The following NALCN variants were observed in gnomAD, a reference collection of about 807,000 sequenced individuals.
The protein encoded by NALCN is sodium leak channel NALCN.
A neutral mutation model predicts 225.3 loss-of-function variants in NALCN; 111 were observed. The ratio of observed to expected loss-of-function variants is 0.49; its 90% CI spans 0.42 to 0.58. The LOEUF (loss-of-function observed/expected upper bound fraction) is 0.58. Among genes scored for constraint, NALCN ranks in the 20% least tolerant of loss-of-function variants. The pLI, the probability that NALCN is intolerant of heterozygous loss-of-function variation, is 0.00. For missense variants in NALCN, 1,378 were observed against 2,202.4 expected, an observed-to-expected ratio of 0.63 and a Z score of 7.49; for synonymous variants, 764 against 769.0, an observed-to-expected ratio of 0.99 and a Z score of 0.11.
intron 39 of NALCN, among the ~76,000 whole-genome samples, chr13:101,067,302 G>T (rs867520105): frequency 3.7e-4 from 22 of 60,150 alleles, no homozygotes; most frequent in African/African-American, 1.9e-3. Flanking sequence ...GGGGGAAGAG[G>T]AGGGGGAAGA....
chr13:101,391,164 A>G (rs1348464329), intron 3 of NALCN, among the ~76,000 whole-genome samples: 1 of 152,176 alleles, frequency 6.6e-6, no homozygotes, highest in Admixed American at 6.5e-5. Flanking sequence ...TGGCTAACCT[A>G]AAACAAAATG....
At chr13:101,253,697 GCT>G (rs1332619631) in intron 11 of NALCN, among the ~76,000 whole-genome samples, 1 of 151,878 alleles carries the variant, frequency 6.6e-6, no homozygotes, top group Non-Finnish European at 1.5e-5. Flanking sequence ...ATTTGACATT[GCT>G]CTCTGTTTCT....
chr13:101,281,096 G>A (rs1055596327), intron 10 of NALCN, among the ~76,000 whole-genome samples: 6 of 152,040 alleles, frequency 3.9e-5, no homozygotes, highest in East Asian at 3.9e-4. Flanking sequence ...GGCCAGGCTG[G>A]TCTCAAACTC....
At chr13:101,118,598 C>T (rs1479737186) in intron 18 of NALCN, among the ~76,000 whole-genome samples, 10 of 152,130 alleles carry the variant, frequency 6.6e-5, no homozygotes, top group Admixed American at 6.6e-4. Context: ...AGTCTTTCAA[C>T]TAACTTATCA....
intron 27 of NALCN, among the ~76,000 whole-genome samples, chr13:101,096,972 C>G (rs1277227545): frequency 6.6e-6 from 1 of 152,122 alleles, no homozygotes; most frequent in Admixed American, 6.6e-5. Flanking sequence ...CATGTCTCCT[C>G]TTGGCCTCCT....
chr13:101,140,232 C>G (rs79332622), intron 17 of NALCN, among the ~76,000 whole-genome samples: 9,885 of 152,090 alleles, frequency 0.065, 755 homozygotes, highest in African/African-American at 0.18. Flanking sequence ...TCCAACTGTA[C>G]CTGGGGAGGG....
intron 13 of NALCN, among the ~76,000 whole-genome samples, chr13:101,228,307 CA>C (rs145518740): frequency 0.012 from 1,837 of 152,230 alleles, 37 homozygotes; most frequent in African/African-American, 0.042. Flanking sequence ...CTTTTGCTGT[CA>C]AAGCTTAACT....
chr13:101,110,981 G>T, intron 19 of NALCN, 144 bp downstream of exon 19: 1 of 821,844 alleles, frequency 1.2e-6, no homozygotes, highest in Non-Finnish European at 1.9e-6. Context: ...TTTCATTATT[G>T]TAACAAACAG....
chr13:101,413,864 A>G (rs1026722557), intron 1 of NALCN, among the ~76,000 whole-genome samples: 2 of 152,130 alleles, frequency 1.3e-5, no homozygotes, highest in Non-Finnish European at 2.9e-5. Context: ...TGTTGATAAC[A>G]TTTTGGGACA....
In NALCN at chr13:101,107,619, G is replaced by A. The variant is rs767535038; in HGVS notation, c.2457-10C>T. On this transcript the variant is annotated splice_polypyrimidine_tract_variant and intron_variant, in intron 21 of 43. Transcript: ENST00000251127. ...CTCTTCTTGCACTTTCCTTGAAGGA[G>A]AAATTCATGGGAGAATGAGGCTAAG... The A allele has an allele frequency of 5.6e-6, 9 of 1,613,960 alleles. No individual in the cohort carries two copies. In the Admixed American group the frequency reaches 1.2e-4, roughly 21 times the overall value.
chr13:101,088,818 T>C (rs2034062226), intron 30 of NALCN, among the ~76,000 whole-genome samples: 2 of 152,224 alleles, frequency 1.3e-5, no homozygotes, highest in African/African-American at 4.8e-5. Context: ...TTTGTTCTAA[T>C]CATTAGAGCT....
intron 2 of NALCN, among the ~76,000 whole-genome samples, chr13:101,398,490 C>T (rs1459173362): frequency 6.6e-6 from 1 of 152,184 alleles, no homozygotes; most frequent in Admixed American, 6.5e-5. Context: ...TTCTGGCACA[C>T]AGTCGTGCCT....
At chr13:101,222,739 T>C (rs1012494912) in intron 13 of NALCN, among the ~76,000 whole-genome samples, 1 of 152,182 alleles carries the variant, frequency 6.6e-6, no homozygotes, top group Admixed American at 6.5e-5. Flanking sequence ...CAATTCTAAA[T>C]ATGCTTATAA....
chr13:101,359,719 C>T (rs74117884), intron 6 of NALCN, among the ~76,000 whole-genome samples: 2,361 of 152,252 alleles, frequency 0.016, 58 homozygotes, highest in African/African-American at 0.053. Flanking sequence ...AAACTCTCAT[C>T]TTTGTTTACA....
intron 38 of NALCN, 73 bp from the exon 39 acceptor site, chr13:101,068,106 C>T: frequency 1.1e-6 from 1 of 906,936 alleles, no homozygotes; most frequent in Non-Finnish European, 1.7e-6. Context: ...AGTAAAACAT[C>T]TATTATTAAT....
At chr13:101,398,928 T>C in intron 2 of NALCN, 91 bp downstream of exon 2, 1 of 793,078 alleles carries the variant, frequency 1.3e-6, no homozygotes, top group Non-Finnish European at 2.2e-6. Flanking sequence ...GCTCAGATAT[T>C]TCGAAGCCAA....
chr13:101,271,374 C>T (rs2042769461), intron 10 of NALCN, among the ~76,000 whole-genome samples: 1 of 151,538 alleles, frequency 6.6e-6, no homozygotes, highest in Admixed American at 6.6e-5. Context: ...TACAATTGGC[C>T]TCTCTGTTTA....
chr13:101,129,788 G>C lies in NALCN; in HGVS notation c.2119-5107C>G, dbSNP rs149465185. 1.2e-3 allele frequency among the ~76,000 whole-genome samples: 188 copies of C among 151,220 alleles called. 2 individuals are homozygous for C. The highest frequency in any genetic ancestry group is 4.4e-3 in the African/African-American group (183 of 41,136). On this transcript the variant is annotated intron_variant, in intron 17 of 43. Transcript: ENST00000251127. ...GCAGAACGTGCAGGTTTGTTACGTA[G>C]GTATGCATGTCCCACAGTGGTTGGC...
intron 13 of NALCN, among the ~76,000 whole-genome samples, chr13:101,192,342 T>G (rs1382508759): frequency 6.6e-6 from 1 of 152,158 alleles, no homozygotes; most frequent in Non-Finnish European, 1.5e-5. Flanking sequence ...AGATCTTTGG[T>G]TTTTGCCGTT....
Sources: gnomAD v4.1 joint callset for allele counts (sites outside exome capture counted in the v4.1 genomes callset) on GRCh38, gnomAD v4.1.1 for gene constraint, MANE v1.5 for transcripts, NCBI Gene and HGNC (gene_info 2026-07-23, HGNC 2026-07-21) for gene names.